Variants in BUB1 observed in about 807,000 individuals in gnomAD.
BUB1 encodes the protein mitotic checkpoint serine/threonine-protein kinase BUB1.
A neutral mutation model predicts 135.2 loss-of-function variants in BUB1; 84 were observed. That is an observed-to-expected ratio of 0.62 (90% CI 0.52 to 0.74). BUB1 has a LOEUF of 0.74. Among genes scored for constraint, BUB1 ranks in the 30% least tolerant of loss-of-function variants. The pLI is 0.00. For synonymous variants in BUB1, 403 were observed against 434.4 expected (o/e 0.93, Z 0.90); for missense variants, 1,162 against 1,288.3 (o/e 0.90, Z 1.50).
chr2:110,642,080 C>A lies in BUB1; in HGVS notation c.2463+39G>T, dbSNP rs1188946874. On this transcript the variant is annotated intron_variant, in intron 20 of 24. Transcript: ENST00000302759. ...CTTGGCAAACTCAAGTTCTAAAATT[C>A]ATTTCTATATCATACAAAAGACAAC... 4 of 1,443,414 alleles carry A rather than the reference C, an allele frequency of 2.8e-6. No individual in the cohort carries two copies. The Admixed American group carries it at 6.7e-5, about 24-fold the overall frequency. 89.4% of individuals were successfully genotyped at this position (1,443,414 alleles called of 1,614,324 possible). A position where few individuals can be genotyped will look rare whatever the true frequency, so the allele number is the denominator to read the frequency against.
At chr2:110,666,761 T>C (rs1416618417) in intron 8 of BUB1, among the ~76,000 whole-genome samples, 1 of 152,138 alleles carries the variant, frequency 6.6e-6, no homozygotes, top group African/African-American at 2.4e-5. Context: ...AAAATAAATT[T>C]TTATTTGTTT....
At position 110,658,830 on chromosome 2, in the gene BUB1, AAC is replaced by A. The variant is rs1420349657; in HGVS notation, c.1277-90_1277-89del. ...CACAATTTAAGTAAGTTACAATTAAAACAGTTTGTCATTGTTAAAAATTATCA... is the reference window on the plus strand; with the variant it reads ...CACAATTTAAGTAAGTTACAATTAAAAGTTTGTCATTGTTAAAAATTATCA... On this transcript the variant is annotated intron_variant, in intron 11 of 24. Coordinates refer to ENST00000302759, the MANE Select transcript of BUB1 (RefSeq NM_004336.5). 2.0e-5 allele frequency: 30 copies of A among 1,513,724 alleles called. No homozygotes were observed. The Admixed American group carries it at 4.7e-4, about 24-fold the overall frequency. The allele number at this position is 1,513,724 out of a possible 1,614,324, so 93.8% of individuals were successfully genotyped here.
chr2:110,640,140 T>C (rs907990392), intron 23 of BUB1, among the ~76,000 whole-genome samples: 6 of 152,136 alleles, frequency 3.9e-5, no homozygotes, highest in African/African-American at 9.7e-5. Context: ...CTCTTCCACA[T>C]AGACAGCTTG....
At chr2:110,640,549 T>A (rs1327834427) in intron 23 of BUB1, among the ~76,000 whole-genome samples, 1 of 152,238 alleles carries the variant, frequency 6.6e-6, no homozygotes, top group Non-Finnish European at 1.5e-5. Context: ...TTTCTTGATC[T>A]GGCCAGTTAG....
intron 3 of BUB1, among the ~76,000 whole-genome samples, chr2:110,673,674 T>C (rs1229982866): frequency 6.6e-6 from 1 of 152,012 alleles, no homozygotes; most frequent in Non-Finnish European, 1.5e-5. Flanking sequence ...TCTCGGCTCA[T>C]GGCAACCTCC....
At chr2:110,659,925 G>C in intron 11 of BUB1, 53 bp downstream of exon 11, 1 of 1,500,644 alleles carries the variant, frequency 6.7e-7, no homozygotes, top group Non-Finnish European at 9.3e-7. Context: ...ATACACCTCT[G>C]AGTGATACAG....
At chr2:110,673,407 G>A (rs1225306086) in intron 3 of BUB1, among the ~76,000 whole-genome samples, 5 of 152,210 alleles carry the variant, frequency 3.3e-5, no homozygotes, top group Non-Finnish European at 7.3e-5. Flanking sequence ...TCAGGCAGAA[G>A]CACAGGTAAA....
chr2:110,637,962 T>G lies in BUB1; in HGVS notation c.*2A>C, dbSNP rs1341177560. On this transcript the variant is annotated 3_prime_UTR_variant, in exon 25 of 25. Transcript: ENST00000302759. ...TTTTTAAGGACTGTCTATATCCAAA[T>G]TTTATTTTCGTGAACGCTTACATTC... 1.4e-6 allele frequency: 2 copies of G among 1,470,906 alleles called. No homozygotes were observed. Among genetic ancestry groups the G allele is most frequent in the Non-Finnish European group, 9.0e-7 (1 of 1,105,354 alleles). 91.1% of individuals were successfully genotyped at this position (1,470,906 alleles called of 1,614,324 possible). A position where few individuals can be genotyped will look rare whatever the true frequency, so the allele number is the denominator to read the frequency against.
chr2:110,669,221 A>T (rs1690351527), intron 6 of BUB1, among the ~76,000 whole-genome samples: 1 of 152,178 alleles, frequency 6.6e-6, no homozygotes, highest in South Asian at 2.1e-4. Flanking sequence ...TAAAGACAGG[A>T]GGCCGTGTGG....
chr2:110,677,853 T>G (rs1690634687), intron 1 of BUB1, 117 bp downstream of exon 1: 1 of 1,293,158 alleles, frequency 7.7e-7, no homozygotes, highest in African/African-American at 1.5e-5. Flanking sequence ...TGGGACACAT[T>G]CCAAACCCAG....
In BUB1 at chr2:110,667,695, CTCT is replaced by C; in HGVS notation, c.628_630del (p.Arg210del). The C allele has an allele frequency of 6.2e-7, 1 of 1,612,452 alleles. No homozygotes were observed. The highest frequency in any genetic ancestry group is 8.5e-7 in the Non-Finnish European group (1 of 1,179,480). ...TATTCTGATTTAGAAATCGTGATCA[CTCT>C]TCGTTCCCTACAATGGGGGAAAATA... is the stretch of plus-strand genomic sequence containing the variant. On this transcript the variant is annotated inframe_deletion, in exon 8 of 25. Transcript: ENST00000302759.
At chr2:110,639,944 A>C (rs1689460441) in intron 23 of BUB1, 96 bp from the exon 24 acceptor site, 3 of 992,148 alleles carry the variant, frequency 3.0e-6, no homozygotes, top group Non-Finnish European at 4.8e-6. Context: ...TTAAATACTC[A>C]CAGGATTTTA....
chr2:110,655,099 C>T (rs1223007220), intron 16 of BUB1, among the ~76,000 whole-genome samples: 1 of 152,094 alleles, frequency 6.6e-6, no homozygotes, highest in African/African-American at 2.4e-5. Flanking sequence ...TGCTCAATGA[C>T]AATGTCATAT....
chr2:110,651,625 G>A (rs1689789041), intron 17 of BUB1, among the ~76,000 whole-genome samples: 2 of 152,214 alleles, frequency 1.3e-5, no homozygotes, highest in East Asian at 1.9e-4. Context: ...GTCTACAGCA[G>A]TGCACAGTAA....
chr2:110,661,416 T>G (rs2104542842), intron 10 of BUB1, 166 bp downstream of exon 10: 1 of 773,444 alleles, frequency 1.3e-6, no homozygotes, highest in Non-Finnish European at 2.0e-6. Flanking sequence ...CCTAAAGGAT[T>G]GGGAGCAATG....
At chr2:110,666,468 A>G in intron 8 of BUB1, 54 bp from the exon 9 acceptor site, 1 of 1,249,906 alleles carries the variant, frequency 8.0e-7, no homozygotes, top group Non-Finnish European at 1.0e-6. Flanking sequence ...AGGTCATCAT[A>G]GGAATACATG....
At position 110,672,425 on chromosome 2, in the gene BUB1, T is replaced by C. The variant is rs371301884; in HGVS notation, c.422+236A>G. On this transcript the variant is annotated intron_variant, in intron 4 of 24. Transcript: ENST00000302759. ...CATACAATATGATTTGCTGTTAAAATATATAAACACAAAGATACCCACACA... is the reference window on the plus strand; with the variant it reads ...CATACAATATGATTTGCTGTTAAAACATATAAACACAAAGATACCCACACA... Among the ~76,000 whole-genome samples the C allele has an allele frequency of 9.2e-5, 14 of 152,134 alleles. No individual in the cohort carries two copies. In the East Asian group the frequency reaches 9.6e-4, roughly 10 times the overall value.
chr2:110,670,476 T>C, intron 5 of BUB1, 49 bp downstream of exon 5: 1 of 1,599,980 alleles, frequency 6.3e-7, no homozygotes, highest in Non-Finnish European at 8.6e-7. Flanking sequence ...CTAGTACAAA[T>C]CCAAGACTAA....
chr2:110,671,257 T>A (rs572949307), intron 4 of BUB1, among the ~76,000 whole-genome samples: 38 of 152,350 alleles, frequency 2.5e-4, no homozygotes, highest in Admixed American at 1.4e-3. Context: ...TAGGTATGAT[T>A]ATCGAATAAG....
Sources: gnomAD v4.1 joint callset for allele counts (sites outside exome capture counted in the v4.1 genomes callset) on GRCh38, gnomAD v4.1.1 for gene constraint, MANE v1.5 for transcripts, NCBI Gene and HGNC (gene_info 2026-07-23, HGNC 2026-07-21) for gene names.